Variants in ZNF347 observed in about 807,000 individuals in gnomAD.
ZNF347 encodes CTD-2620I22.7.
Under a neutral mutation model 12.9 loss-of-function variants are expected in ZNF347, and 19 were observed. That is an observed-to-expected ratio of 1.47 (90% confidence interval 1.03 to 2.16). The LOEUF is 2.16. Among genes scored for constraint, ZNF347 ranks in the 30% most tolerant of loss-of-function variants. The probability of loss-of-function intolerance (pLI) is 0.00; values close to 1 mark genes in which losing one functional copy is unlikely to be tolerated. For synonymous variants in ZNF347, 328 were observed against 340.6 expected, an observed-to-expected ratio of 0.96 and a Z score of 0.41; for missense variants, 1,005 against 990.6, an observed-to-expected ratio of 1.01 and a Z score of -0.19.
intron 1 of ZNF347, among the ~76,000 whole-genome samples, chr19:53,154,728 T>C (rs2090520775): frequency 6.6e-6 from 1 of 152,042 alleles, no homozygotes; most frequent in Non-Finnish European, 1.5e-5. Context: ...AATTAAACAT[T>C]GAATTTCAAA....
rs933407257 is a variant in ZNF347 at position 53,135,578 on chromosome 19, G to C, written c.*4730C>G. 6.6e-6 allele frequency: 1 copy of C among 152,076 alleles called. No homozygotes were observed. Among genetic ancestry groups the C allele is most frequent in the African/African-American group, 2.4e-5 (1 of 41,386 alleles). 9.4% of individuals were successfully genotyped at this position (152,076 alleles called of 1,614,324 possible). On this transcript the variant is annotated 3_prime_UTR_variant, in exon 5 of 5. Transcript: ENST00000334197. ...AGTAGAGACGGGGTTTCACCATGTT[G>C]ATCAGGCTGGTCTCGAATTCCTGAC... is the stretch of plus-strand genomic sequence containing the variant.
Position 53,141,956 on chromosome 19 carries a change from C to T in ZNF347, c.872G>A (p.Cys291Tyr), listed in dbSNP as rs927457588. 1.2e-6 allele frequency: 2 copies of T among 1,613,988 alleles called. No homozygotes were observed. Among genetic ancestry groups the T allele is most frequent in the Admixed American group, 1.7e-5 (1 of 59,988 alleles). Residue 291 changes from cysteine to tyrosine, a missense_variant, in exon 5 of 5, where the codon TGT (cysteine) becomes TAT (tyrosine). Physicochemically the swap from Cys to Tyr is radical, Grantham distance 194 (BLOSUM62 -2). Coordinates refer to ENST00000334197, the MANE Select transcript of ZNF347 (RefSeq NM_032584.3). ...RSHTKEKPYK[C>Y]YECGKAFRTR... The stretch of plus-strand genomic sequence containing the variant: ...TCTAAAGGCTTTGCCACACTCATAA[C>T]ATTTGTAAGGTTTCTCTTTAGTATG...
In ZNF347 at chr19:53,134,947, AAT is replaced by A. The variant is rs1162627999; in HGVS notation, c.*5359_*5360del. On this transcript the variant is annotated 3_prime_UTR_variant, in exon 5 of 5. Transcript: ENST00000334197. Reference sequence around the variant, plus strand: ...AATATAGACTTAATTGATCTATAAAAATATAGATTTAATACAAAGTTACCACA... The same window carrying A: ...AATATAGACTTAATTGATCTATAAAAATAGATTTAATACAAAGTTACCACA... The A allele has an allele frequency of 6.6e-6, 1 of 152,210 alleles. No individual in the cohort carries two copies. Among genetic ancestry groups the A allele is most frequent in the East Asian group, 1.9e-4 (1 of 5,190 alleles). 9.4% of individuals were successfully genotyped at this position (152,210 alleles called of 1,614,324 possible).
rs1420027005 is a variant in ZNF347, at chr19:53,141,722, C to T, written c.1106G>A (p.Gly369Glu). The T allele has an allele frequency of 1.2e-6, 2 of 1,613,816 alleles. No individual in the cohort carries two copies. The highest frequency in any genetic ancestry group is 1.7e-6 in the Non-Finnish European group (2 of 1,179,928). Residue 369 changes from glycine (G) to glutamate (E), a missense_variant, in exon 5 of 5, where the codon GGA (glycine) becomes GAA (glutamate). Transcript: ENST00000334197. The part of the protein sequence containing the change: ...HLVRHRGIHT[G>E]EKPYKCNECG... Reference sequence around the variant, plus strand: ...CTCATTACACTTGTAAGGTTTCTCTCCAGTATGAATTCCTCGATGTCTTAC... The same window carrying T: ...CTCATTACACTTGTAAGGTTTCTCTTCAGTATGAATTCCTCGATGTCTTAC...
chr19:53,157,701 C>G (rs543250360), intron 1 of ZNF347, among the ~76,000 whole-genome samples: 1 of 152,312 alleles, frequency 6.6e-6, no homozygotes, highest in South Asian at 2.1e-4. Flanking sequence ...AGGCCTCCCC[C>G]TGCTGTGGTT....
chr19:53,140,668 G>A lies in ZNF347; in HGVS notation c.2160C>T (p.Val720=). ...CCTGATGGGTAGTTAGGCTTGAACG[G>A]ACACTAAAGGCTTTCCCACACTGAT... is the stretch of plus-strand genomic sequence containing the variant. The part of the protein sequence containing the change: ...ECNQCGKAFS[V]RSSLTTHQAI... Residue 720 remains valine, a synonymous_variant, in exon 5 of 5, where the codon GTC becomes GTT. Coordinates refer to ENST00000334197, the MANE Select transcript of ZNF347 (RefSeq NM_032584.3). 3 of 1,607,590 alleles carry A rather than the reference G, an allele frequency of 1.9e-6. No homozygotes were observed. Among genetic ancestry groups the A allele is most frequent in the Non-Finnish European group, 2.5e-6 (3 of 1,178,150 alleles).
chr19:53,151,853 G>A (rs12973291), intron 2 of ZNF347, among the ~76,000 whole-genome samples: 15,196 of 152,042 alleles, frequency 0.1, 851 homozygotes, highest in Middle Eastern at 0.14. Context: ...CCAGCACTTC[G>A]GGAGGCCGAG....
In ZNF347 at chr19:53,149,354, A is replaced by C. The variant is rs759792440; in HGVS notation, c.29T>G (p.Phe10Cys). ...AGAGAATTCTATAGCCACATCCCTG[A>C]ATGTCACCTGTCCCTAAAATGAAAA... MALTQGQVTFRDVAIEFSQE... is the reference protein window; with the variant it reads MALTQGQVTCRDVAIEFSQE... The change falls in exon 3 of 5, where the codon TTC becomes TGC. Residue 10 changes from phenylalanine to cysteine, a missense_variant. Phe to Cys is a radical substitution (Grantham distance 205). Transcript: ENST00000334197. 1.9e-6 allele frequency: 3 copies of C among 1,613,940 alleles called. No individual in the cohort carries two copies. In the Admixed American group the frequency reaches 5.0e-5, roughly 27 times the overall value.
chr19:53,149,150 C>T, intron 3 of ZNF347, 91 bp downstream of exon 3: 1 of 1,574,032 alleles, frequency 6.4e-7, no homozygotes, highest in Non-Finnish European at 8.6e-7. Flanking sequence ...CAGTCTCAGC[C>T]AAGCAATGCA....
At chr19:53,148,079 C>T (rs1408712862) in intron 4 of ZNF347, among the ~76,000 whole-genome samples, 2 of 152,150 alleles carry the variant, frequency 1.3e-5, no homozygotes, top group Non-Finnish European at 2.9e-5. Context: ...AACTGAAAGC[C>T]TTTCTGCTAA....
At chr19:53,146,291 T>A (rs1209284610) in intron 4 of ZNF347, among the ~76,000 whole-genome samples, 2 of 152,066 alleles carry the variant, frequency 1.3e-5, no homozygotes, top group Non-Finnish European at 2.9e-5. Context: ...AATTTTTTTT[T>A]AGAGATGGGG....
Position 53,141,440 on chromosome 19 carries a change from C to G in ZNF347, c.1388G>C (p.Gly463Ala). 6.2e-7 allele frequency: 1 copy of G among 1,613,836 alleles called. No individual in the cohort carries two copies. Among genetic ancestry groups the G allele is most frequent in the Non-Finnish European group, 8.5e-7 (1 of 1,179,922 alleles). ...GTGTGAATTACGCCTAAAGACCTTG[C>G]CGCATTCATGACATTTGTAAGGCTT... ...GEKPYKCHEC[G>A]KVFRRNSHLA... Residue 463 changes from glycine (G) to alanine (A), a missense_variant, in exon 5 of 5, where the codon GGC (glycine) becomes GCC (alanine). Coordinates refer to ENST00000334197, the MANE Select transcript of ZNF347 (RefSeq NM_032584.3).
At chr19:53,147,627 C>T (rs1484122318) in intron 4 of ZNF347, among the ~76,000 whole-genome samples, 2 of 151,674 alleles carry the variant, frequency 1.3e-5, no homozygotes. Flanking sequence ...TCTACTCAAA[C>T]CATTTCAAAA....
At chr19:53,154,297 C>A (rs2090517694) in intron 1 of ZNF347, among the ~76,000 whole-genome samples, 1 of 151,836 alleles carries the variant, frequency 6.6e-6, no homozygotes, top group South Asian at 2.1e-4. Context: ...GCCTAAACAA[C>A]ATAGTGAGAC....
intron 2 of ZNF347, chr19:53,149,631 A>C: frequency 2.1e-6 from 1 of 479,010 alleles, no homozygotes; most frequent in Non-Finnish European, 3.4e-6. Flanking sequence ...GGTGGTCACC[A>C]GAAAGACCAA....
In ZNF347 at chr19:53,153,806, G is replaced by A; in HGVS notation, c.-46-13C>T. On this transcript the variant is annotated splice_polypyrimidine_tract_variant and intron_variant, in intron 1 of 4. Transcript: ENST00000334197. Reference sequence around the variant, plus strand: ...TCAAGGGTTCTTCCTTAGGTAACAGGAAAGTGCCTTTAGAAGTCAATATTG... The same window carrying A: ...TCAAGGGTTCTTCCTTAGGTAACAGAAAAGTGCCTTTAGAAGTCAATATTG... 1.2e-6 allele frequency: 2 copies of A among 1,610,822 alleles called. No homozygotes were observed. Among genetic ancestry groups the A allele is most frequent in the Middle Eastern group, 1.7e-4 (1 of 6,046 alleles).
intron 2 of ZNF347, 30 bp downstream of exon 2, chr19:53,153,703 C>A (rs774824912): frequency 2.5e-6 from 4 of 1,611,218 alleles, no homozygotes; most frequent in Non-Finnish European, 3.4e-6. Flanking sequence ...AAATAAGAGA[C>A]AGAACAATCC....
At chr19:53,153,655 A>G (rs2090513353) in intron 2 of ZNF347, 78 bp downstream of exon 2, 29 of 1,572,282 alleles carry the variant, frequency 1.8e-5, no homozygotes, top group Non-Finnish European at 2.4e-5. Context: ...TCAGACTCAG[A>G]GAAGATTCCC....
chr19:53,142,624 AAACAATATT>A (rs755965354), intron 4 of ZNF347, 68 bp from the exon 5 acceptor site: 46 of 1,225,808 alleles, frequency 3.8e-5, no homozygotes, highest in Non-Finnish European at 5.0e-5. Flanking sequence ...TTACACCGAA[AAACAATATT>A]ACACCGAAAA....
Sources: allele counts gnomAD v4.1 joint callset (sites outside exome capture counted in the v4.1 genomes callset), GRCh38; gene constraint gnomAD v4.1.1; transcripts MANE v1.5; gene names NCBI Gene and HGNC (gene_info 2026-07-23, HGNC 2026-07-21).